The following NRXN3 variants were observed in gnomAD, a reference collection of about 807,000 sequenced individuals.
NRXN3 encodes the protein neurexin III.
NRXN3 carries 32 observed loss-of-function variants against 137.6 expected under a neutral mutation model. The ratio of observed to expected loss-of-function variants is 0.23; its 90% confidence interval spans 0.18 to 0.31. The LOEUF (loss-of-function observed/expected upper bound fraction) is 0.31, where lower values mean the gene tolerates loss of function less well. Ranked by LOEUF, NRXN3 falls within the 10% of genes least tolerant of loss-of-function variation. The pLI is 1.00. For missense variants in NRXN3, 1,574 were observed against 2,062.5 expected, an observed-to-expected ratio of 0.76 and a Z score of 4.59; for synonymous variants, 798 against 784.5, an observed-to-expected ratio of 1.02 and a Z score of -0.29.
intron 4 of NRXN3, among the ~76,000 whole-genome samples, chr14:78,522,655 C>A (rs141929170): frequency 7.3e-4 from 111 of 152,188 alleles, no homozygotes; most frequent in African/African-American, 2.5e-3. Context: ...CATTTGTAGT[C>A]GGGGTTGGGC....
At chr14:79,586,583 C>G in intron 16 of NRXN3, among the ~76,000 whole-genome samples, 1 of 152,114 alleles carries the variant, frequency 6.6e-6, no homozygotes, top group Non-Finnish European at 1.5e-5. Context: ...ACTACACCCG[C>G]CTCAGCCACC....
At chr14:78,855,350 C>T (rs1001160406) in intron 10 of NRXN3, among the ~76,000 whole-genome samples, 3 of 152,040 alleles carry the variant, frequency 2.0e-5, no homozygotes, top group Non-Finnish European at 2.9e-5. Flanking sequence ...AAGATGAAAA[C>T]CTGCCTGCTG....
chr14:79,006,985 CTG>C (rs1235164753), intron 15 of NRXN3, among the ~76,000 whole-genome samples: 4 of 152,178 alleles, frequency 2.6e-5, no homozygotes, highest in Non-Finnish European at 5.9e-5. Context: ...GTATTCAAAA[CTG>C]TTATTTTCTG....
At chr14:78,479,114 G>T (rs8014642) in intron 4 of NRXN3, among the ~76,000 whole-genome samples, 3,127 of 152,284 alleles carry the variant, frequency 0.021, 94 homozygotes, top group African/African-American at 0.072. Context: ...AATTATTATT[G>T]CTCTAAGTCA....
At chr14:78,716,147 A>T (rs1466864145) in intron 8 of NRXN3, among the ~76,000 whole-genome samples, 1 of 152,180 alleles carries the variant, frequency 6.6e-6, no homozygotes, top group Admixed American at 6.5e-5. Flanking sequence ...TTCGTTCACC[A>T]CTTCAGTATC....
chr14:79,113,560 A>G (rs1353628066), intron 15 of NRXN3, among the ~76,000 whole-genome samples: 1 of 152,196 alleles, frequency 6.6e-6, no homozygotes, highest in Non-Finnish European at 1.5e-5. Context: ...ATGTCTTCAC[A>G]TCACTACTAA....
chr14:79,438,106 G>C (rs2095872769), intron 15 of NRXN3, among the ~76,000 whole-genome samples: 1 of 152,148 alleles, frequency 6.6e-6, no homozygotes, highest in Non-Finnish European at 1.5e-5. Flanking sequence ...ACTCGGGTAG[G>C]TGCAAGGTGT....
chr14:79,734,917 T>A (rs1603452473), intron 19 of NRXN3, among the ~76,000 whole-genome samples: 1 of 152,108 alleles, frequency 6.6e-6, no homozygotes, highest in South Asian at 2.1e-4. Context: ...TGGCTACAAA[T>A]CTTCAAAGCC....
chr14:79,327,619 A>G (rs150921655), intron 15 of NRXN3, among the ~76,000 whole-genome samples: 101 of 152,266 alleles, frequency 6.6e-4, no homozygotes, highest in Middle Eastern at 6.8e-3. Context: ...TGCAGTTCAG[A>G]TATCATCTGT....
intron 4 of NRXN3, among the ~76,000 whole-genome samples, chr14:78,530,206 G>A (rs149313392): frequency 1.1e-4 from 16 of 152,200 alleles, no homozygotes; most frequent in African/African-American, 2.6e-4. Context: ...TGTGAATTCC[G>A]CCTTTTTAAA....
chr14:78,541,202 A>G (rs759113088), intron 4 of NRXN3, among the ~76,000 whole-genome samples: 1 of 152,210 alleles, frequency 6.6e-6, no homozygotes, highest in Admixed American at 6.5e-5. Context: ...AATATCCTGA[A>G]GAGTGTTTTC....
At chr14:78,518,942 G>A (rs1042173242) in intron 4 of NRXN3, among the ~76,000 whole-genome samples, 1 of 151,922 alleles carries the variant, frequency 6.6e-6, no homozygotes, top group South Asian at 2.1e-4. Context: ...CTAGTATTGA[G>A]GAAAAATAAC....
At chr14:78,751,112 C>G (rs1433859327) in intron 8 of NRXN3, among the ~76,000 whole-genome samples, 1 of 152,166 alleles carries the variant, frequency 6.6e-6, no homozygotes, top group Non-Finnish European at 1.5e-5. Context: ...ATAATACCAG[C>G]TATGCTCAAG....
intron 2 of NRXN3, among the ~76,000 whole-genome samples, chr14:78,273,677 T>C (rs919066796): frequency 1.3e-5 from 2 of 152,172 alleles, no homozygotes; most frequent in African/African-American, 2.4e-5. Flanking sequence ...TAAATATGTG[T>C]GTATACATAT....
intron 15 of NRXN3, among the ~76,000 whole-genome samples, chr14:79,157,189 C>A (rs934751666): frequency 2.0e-5 from 3 of 151,762 alleles, no homozygotes; most frequent in African/African-American, 7.2e-5. Flanking sequence ...CTTAATAAAA[C>A]CTCTTTTAAT....
chr14:78,877,321 AT>A, intron 10 of NRXN3, among the ~76,000 whole-genome samples: 1 of 152,138 alleles, frequency 6.6e-6, no homozygotes, highest in Admixed American at 6.5e-5. Context: ...GGTTATTGAT[AT>A]TTTCTGAAGG....
intron 15 of NRXN3, chr14:79,314,220 A>T (rs1395597005): frequency 7.3e-6 from 1 of 137,330 alleles, no homozygotes; most frequent in Non-Finnish European, 1.6e-5. Context: ...ACCGTGCGCG[A>T]GCCGAAGCAG....
chr14:78,234,185 T>C (rs2065860244), intron 1 of NRXN3, among the ~76,000 whole-genome samples: 1 of 152,198 alleles, frequency 6.6e-6, no homozygotes, highest in African/African-American at 2.4e-5. Context: ...CCATTAAACT[T>C]CTTTCCTTTA....
intron 11 of NRXN3, among the ~76,000 whole-genome samples, chr14:78,963,366 C>A (rs1166329888): frequency 1.3e-5 from 2 of 151,968 alleles, no homozygotes; most frequent in Admixed American, 6.6e-5. Flanking sequence ...TAGATTTTTT[C>A]TTTGTAAAAT....
Sources: allele counts gnomAD v4.1 joint callset (sites outside exome capture counted in the v4.1 genomes callset), GRCh38; gene constraint gnomAD v4.1.1; transcripts MANE v1.5; gene names NCBI Gene and HGNC (gene_info 2026-07-23, HGNC 2026-07-21).